XIRP2: variants seen among roughly 807,000 people sequenced by gnomAD.
XIRP2 encodes xin actin-binding repeat-containing protein 2.
XIRP2 carries 236 observed loss-of-function variants against 277.0 expected under a neutral mutation model. That is an observed-to-expected ratio of 0.85 (90% confidence interval 0.77 to 0.95). The LOEUF (loss-of-function observed/expected upper bound fraction) is 0.95, where lower values mean the gene tolerates loss of function less well. XIRP2 is among the 40% of genes least tolerant of loss of function. XIRP2 has a pLI of 0.00. For synonymous variants in XIRP2, 1,490 were observed against 1,416.5 expected (o/e 1.05, Z -1.17); for missense variants, 4,640 against 4,157.5 (o/e 1.12, Z -3.19).
chr2:167,249,397 T>C lies in XIRP2; in HGVS notation c.8005T>C (p.Ser2669Pro), dbSNP rs1412001890. 1.2e-6 allele frequency: 2 copies of C among 1,613,584 alleles called. No homozygotes were observed. The highest frequency in any genetic ancestry group is 1.7e-6 in the Non-Finnish European group (2 of 1,179,826). Residue 2669 changes from serine to proline, a missense_variant, in exon 9 of 11, where the codon TCC becomes CCC. By Grantham distance (74) the Ser-to-Pro change is moderately conservative (BLOSUM62 -1). Transcript: ENST00000409195. ...ACAAAGCTCAAGGGACATTATGCAA[T>C]CCAAATCAGCTTGCGAAATTAAACA... ...VLQSSRDIMQ[S>P]KSACEIKQSH...
chr2:167,239,436 A>G (rs1694989871), intron 5 of XIRP2, among the ~76,000 whole-genome samples: 3 of 152,232 alleles, frequency 2.0e-5, no homozygotes, highest in South Asian at 4.1e-4. Flanking sequence ...GGTTGGTCCA[A>G]TGTAATCATA....
chr2:167,100,307 AC>A (rs2105285260), intron 2 of XIRP2, among the ~76,000 whole-genome samples: 2 of 152,298 alleles, frequency 1.3e-5, no homozygotes, highest in East Asian at 3.9e-4. Context: ...GAAAAGGTTT[AC>A]TTCTTTAGAA....
intron 2 of XIRP2, among the ~76,000 whole-genome samples, chr2:166,927,516 C>G (rs1685220773): frequency 6.6e-6 from 1 of 152,064 alleles, no homozygotes. Context: ...ATCTCTGGCC[C>G]ACAGCCCCCT....
At chr2:167,152,356 CACTCA>C (rs1203612431) in intron 3 of XIRP2, among the ~76,000 whole-genome samples, 1 of 151,844 alleles carries the variant, frequency 6.6e-6, no homozygotes, top group African/African-American at 2.4e-5. Context: ...CAGTTTACTA[CACTCA>C]ACTCATGTCT....
chr2:167,041,370 A>G (rs1368691755), intron 2 of XIRP2, among the ~76,000 whole-genome samples: 1 of 152,194 alleles, frequency 6.6e-6, no homozygotes, highest in Non-Finnish European at 1.5e-5. Context: ...CTGGATGACA[A>G]TGAAGCTCAT....
intron 2 of XIRP2, among the ~76,000 whole-genome samples, chr2:167,026,274 C>T (rs1327254725): frequency 6.6e-6 from 1 of 152,066 alleles, no homozygotes; most frequent in Admixed American, 6.6e-5. Flanking sequence ...ACTAGGATTG[C>T]AACCCCTGCC....
intron 2 of XIRP2, among the ~76,000 whole-genome samples, chr2:167,012,645 C>A (rs1687712630): frequency 6.6e-6 from 1 of 151,494 alleles, no homozygotes; most frequent in Admixed American, 6.6e-5. Flanking sequence ...CTCTATTTTT[C>A]CATGTCCTTG....
chr2:167,007,030 A>G (rs1321146668), intron 2 of XIRP2, among the ~76,000 whole-genome samples: 1 of 151,742 alleles, frequency 6.6e-6, no homozygotes, highest in Non-Finnish European at 1.5e-5. Flanking sequence ...CACCTGGTAC[A>G]GTGTTATAAT....
chr2:167,014,694 G>T (rs1176239669), intron 2 of XIRP2, among the ~76,000 whole-genome samples: 3 of 151,686 alleles, frequency 2.0e-5, no homozygotes, highest in Admixed American at 6.6e-5. Flanking sequence ...AAATGAAAGG[G>T]CTCATGAAAT....
chr2:167,102,822 T>A, intron 2 of XIRP2, among the ~76,000 whole-genome samples: 1 of 152,184 alleles, frequency 6.6e-6, no homozygotes, highest in East Asian at 1.9e-4. Context: ...AGCAGACTTG[T>A]TGGTAGCAGC....
At chr2:166,957,888 A>G (rs1436676768) in intron 2 of XIRP2, among the ~76,000 whole-genome samples, 1 of 151,882 alleles carries the variant, frequency 6.6e-6, no homozygotes, top group South Asian at 2.1e-4. Context: ...TGCATTGTAT[A>G]CAGTCGATTT....
chr2:167,087,325 G>A (rs1222690233), intron 2 of XIRP2, among the ~76,000 whole-genome samples: 2 of 152,166 alleles, frequency 1.3e-5, no homozygotes, highest in Non-Finnish European at 2.9e-5. Context: ...TGCGTGCTGG[G>A]AGAACCACTG....
intron 1 of XIRP2, among the ~76,000 whole-genome samples, chr2:166,897,952 G>T (rs1684285671): frequency 6.6e-6 from 1 of 152,094 alleles, no homozygotes; most frequent in African/African-American, 2.4e-5. Flanking sequence ...TGGCATGCAG[G>T]ATACTCAGGG....
chr2:167,255,650 T>C (rs1268078897), intron 10 of XIRP2, among the ~76,000 whole-genome samples: 2 of 151,826 alleles, frequency 1.3e-5, no homozygotes, highest in Non-Finnish European at 2.9e-5. Context: ...TTTCAGATCA[T>C]ATAGCCACTA....
At chr2:167,093,516 G>C (rs932487638) in intron 2 of XIRP2, among the ~76,000 whole-genome samples, 2 of 151,976 alleles carry the variant, frequency 1.3e-5, no homozygotes, top group Middle Eastern at 3.4e-3. Context: ...CCCTCCCTGT[G>C]CCCACATGTT....
intron 2 of XIRP2, among the ~76,000 whole-genome samples, chr2:167,054,870 A>G (rs1048772021): frequency 6.6e-6 from 1 of 152,242 alleles, no homozygotes; most frequent in Non-Finnish European, 1.5e-5. Context: ...ATTTGAATGT[A>G]TCTTTCCCAA....
At chr2:167,184,505 A>G in intron 3 of XIRP2, 1 of 708,202 alleles carries the variant, frequency 1.4e-6, no homozygotes, top group Non-Finnish European at 2.6e-6. Context: ...GTCCCATGGA[A>G]TTGCCAAAGG....
intron 2 of XIRP2, among the ~76,000 whole-genome samples, chr2:166,910,604 C>G (rs551092661): frequency 6.6e-6 from 1 of 152,230 alleles, no homozygotes; most frequent in Non-Finnish European, 1.5e-5. Context: ...TTTTGTGTCT[C>G]TATTTCCTTC....
chr2:166,899,674 T>C (rs1349217036), intron 1 of XIRP2, among the ~76,000 whole-genome samples: 1 of 152,174 alleles, frequency 6.6e-6, no homozygotes, highest in East Asian at 1.9e-4. Flanking sequence ...CTTTTAACAC[T>C]TGAAACATAT....
Sources: gnomAD v4.1 joint callset for allele counts (sites outside exome capture counted in the v4.1 genomes callset) on GRCh38, gnomAD v4.1.1 for gene constraint, MANE v1.5 for transcripts, NCBI Gene and HGNC (gene_info 2026-07-23, HGNC 2026-07-21) for gene names.